MIB1: variants seen among roughly 807,000 people sequenced by gnomAD.
MIB1 encodes the protein MIB E3 ubiquitin protein ligase 1.
MIB1 carries 278 observed loss-of-function variants against 124.5 expected under a neutral mutation model. That is an observed-to-expected ratio of 2.23 (90% CI 2.02 to 2.47). MIB1 has a LOEUF of 2.47. MIB1 is among the 30% of genes most tolerant of loss of function. The pLI is 0.00. For missense variants in MIB1, 957 were observed against 1,254.4 expected (o/e 0.76, Z 3.58); for synonymous variants, 446 against 429.4 (o/e 1.04, Z -0.48).
At chr18:21,838,688 T>C (rs2042056073) in intron 13 of MIB1, among the ~76,000 whole-genome samples, 191 bp downstream of exon 13, 1 of 152,182 alleles carries the variant, frequency 6.6e-6, no homozygotes, top group South Asian at 2.1e-4. Context: ...AGGATGGTGA[T>C]GTGTGTTTGA....
At chr18:21,807,790 A>G (rs2041725766) in intron 10 of MIB1, among the ~76,000 whole-genome samples, 1 of 152,248 alleles carries the variant, frequency 6.6e-6, no homozygotes, top group Non-Finnish European at 1.5e-5. Context: ...TTTGTCATTC[A>G]TAATTTGCCA....
chr18:21,750,249 G>A (rs2040959374), intron 1 of MIB1, among the ~76,000 whole-genome samples: 1 of 151,980 alleles, frequency 6.6e-6, no homozygotes, highest in African/African-American at 2.4e-5. Flanking sequence ...CCTACTGGGT[G>A]CAAGCGATTC....
chr18:21,827,224 G>A (rs1316121617), intron 12 of MIB1: 1 of 152,062 alleles, frequency 6.6e-6, no homozygotes, highest in African/African-American at 2.4e-5. Flanking sequence ...AGTTAAAAAT[G>A]AACAGCTGAT....
At chr18:21,713,155 G>A (rs1313394584) in intron 1 of MIB1, among the ~76,000 whole-genome samples, 3 of 151,868 alleles carry the variant, frequency 2.0e-5, no homozygotes, top group Admixed American at 6.6e-5. Context: ...TTTTCATAGA[G>A]ACAGGGTCTC....
At chr18:21,751,060 T>C (rs755110118) in intron 1 of MIB1, among the ~76,000 whole-genome samples, 32 of 151,568 alleles carry the variant, frequency 2.1e-4, no homozygotes, top group Non-Finnish European at 3.7e-4. Context: ...TAGCCCACCA[T>C]GGTGGTGTGT....
intron 10 of MIB1, among the ~76,000 whole-genome samples, chr18:21,808,291 G>C (rs1162690917): frequency 6.6e-5 from 10 of 152,150 alleles, no homozygotes; most frequent in Non-Finnish European, 1.3e-4. Flanking sequence ...GCAAACTACA[G>C]CTCGCAGGCC....
chr18:21,804,922 A>G (rs1394024454), intron 10 of MIB1, among the ~76,000 whole-genome samples: 1 of 152,152 alleles, frequency 6.6e-6, no homozygotes, highest in Non-Finnish European at 1.5e-5. Flanking sequence ...ATTGTTGGAC[A>G]GCTACTAAAG....
intron 4 of MIB1, among the ~76,000 whole-genome samples, chr18:21,777,544 C>T (rs1040142921): frequency 1.3e-5 from 2 of 151,806 alleles, no homozygotes; most frequent in African/African-American, 2.4e-5. Flanking sequence ...AAGATTCAGA[C>T]ATTTTATTTT....
rs143937436 is a variant in MIB1 at position 21,791,458 on chromosome 18, G to A, written c.993G>A (p.Ser331=). The change falls in exon 7 of 21, where the codon TCG becomes TCA. Residue 331 remains serine, a synonymous_variant. Coordinates refer to ENST00000261537, the MANE Select transcript of MIB1 (RefSeq NM_020774.4). ...CTCAGGGTGCAGAAGGAGGCACCTCGCAGTTTCAAGTGGGTGATCTTGTAC... is the reference window on the plus strand; with the variant it reads ...CTCAGGGTGCAGAAGGAGGCACCTCACAGTTTCAAGTGGGTGATCTTGTAC... ...DAAQGAEGGT[S]QFQVGDLVQV... is the part of the protein sequence containing the mutation. The A allele has an allele frequency of 5.8e-5, 93 of 1,613,928 alleles. No homozygotes were observed. In the South Asian group the frequency reaches 8.5e-4, roughly 15 times the overall value.
chr18:21,738,520 T>A (rs752879124), upstream of MIB1, among the ~76,000 whole-genome samples: 13 of 151,708 alleles, frequency 8.6e-5, no homozygotes, highest in Non-Finnish European at 1.5e-4. Context: ...TTAAAATAAC[T>A]AGAGAGGCTG....
chr18:21,741,597 G>A lies in MIB1; in HGVS notation c.14G>A (p.Arg5Gln), dbSNP rs868729096. 4 of 1,562,280 alleles carry A rather than the reference G, an allele frequency of 2.6e-6. No homozygotes were observed. The highest frequency in any genetic ancestry group is 1.4e-5 in the African/African-American group (1 of 71,794). Reference sequence around the variant, plus strand: ...GCCCGGGCCCCGATGAGTAACTCCCGGAATAACCGGGTGATGGTGGAAGGG... The same window carrying A: ...GCCCGGGCCCCGATGAGTAACTCCCAGAATAACCGGGTGATGGTGGAAGGG... MSNS[R>Q]NNRVMVEGVG... The change falls in exon 1 of 21, where the codon CGG (arginine) becomes CAG (glutamine). Residue 5 changes from arginine to glutamine, a missense_variant. Physicochemically the swap from Arg to Gln is conservative, Grantham distance 43. Transcript: ENST00000261537. This position sits in a 1 kb window ranked among gnomAD's most constrained non-coding sequence, Gnocchi z 5.4.
At chr18:21,779,771 C>G (rs1248832587) in intron 6 of MIB1, 86 bp downstream of exon 6, 1 of 1,037,548 alleles carries the variant, frequency 9.6e-7, no homozygotes, top group East Asian at 2.4e-5. Context: ...AGTGATACAA[C>G]CAAATACTCA....
chr18:21,784,081 G>A (rs2041404599), intron 6 of MIB1, among the ~76,000 whole-genome samples: 1 of 130,908 alleles, frequency 7.6e-6, no homozygotes, highest in Non-Finnish European at 1.6e-5. Context: ...ACGGAGTCTC[G>A]CTATGTCACC....
Position 21,867,959 on chromosome 18 carries a change from A to G in MIB1, c.*3293A>G, listed in dbSNP as rs2042331694. ...GAAAGTCAGCATTTGAGTGTAGAGA[A>G]AAAAAGAGGATCATACAGATGTCAT... On this transcript the variant is annotated 3_prime_UTR_variant, in exon 21 of 21. Coordinates refer to ENST00000261537, the MANE Select transcript of MIB1 (RefSeq NM_020774.4). 1 of 152,042 alleles carries G rather than the reference A, an allele frequency of 6.6e-6. No homozygotes were observed. Among genetic ancestry groups the G allele is most frequent in the Non-Finnish European group, 1.5e-5 (1 of 67,946 alleles). 9.4% of individuals were successfully genotyped at this position (152,042 alleles called of 1,614,324 possible).
intron 1 of MIB1, among the ~76,000 whole-genome samples, chr18:21,762,251 C>T (rs774732049): frequency 6.6e-6 from 1 of 152,094 alleles, no homozygotes; most frequent in African/African-American, 2.4e-5. Context: ...AAAACTTTGA[C>T]CCTGCCTTCA....
chr18:21,762,089 A>C (rs1177061521), intron 1 of MIB1, among the ~76,000 whole-genome samples: 1 of 152,118 alleles, frequency 6.6e-6, no homozygotes. Context: ...GGAAATACCA[A>C]TTTTTTCCTC....
chr18:21,756,329 T>C (rs2041030498), intron 1 of MIB1, among the ~76,000 whole-genome samples: 1 of 152,202 alleles, frequency 6.6e-6, no homozygotes, highest in African/African-American at 2.4e-5. Flanking sequence ...GTCATTTTTT[T>C]CCCTCCATTT....
In MIB1 at chr18:21,865,969, C is replaced by G. The variant is rs935253148; in HGVS notation, c.*1303C>G. 4.6e-5 allele frequency: 7 copies of G among 151,836 alleles called. No homozygotes were observed. The highest frequency in any genetic ancestry group is 1.7e-4 in the African/African-American group (7 of 41,334). 9.4% of individuals were successfully genotyped at this position (151,836 alleles called of 1,614,324 possible). A position where few individuals can be genotyped will look rare whatever the true frequency, so the allele number is the denominator to read the frequency against. On this transcript the variant is annotated 3_prime_UTR_variant, in exon 21 of 21. Transcript: ENST00000261537. ...TTTCTCCTTTTATCTCCTTTGTAAT[C>G]TTATTGTCTCCTGAGTAAATATACA... is the stretch of plus-strand genomic sequence containing the variant.
intron 1 of MIB1, among the ~76,000 whole-genome samples, chr18:21,761,112 A>G (rs145583511): frequency 9.8e-5 from 15 of 152,332 alleles, no homozygotes; most frequent in East Asian, 5.8e-4. Flanking sequence ...TCAATTCCAT[A>G]TAATGTCCAT....
Sources: gnomAD v4.1 joint callset for allele counts (sites outside exome capture counted in the v4.1 genomes callset) on GRCh38, gnomAD v4.1.1 for gene constraint, Gnocchi (gnomAD v3.1) non-coding constraint, MANE v1.5 for transcripts, NCBI Gene and HGNC (gene_info 2026-07-23, HGNC 2026-07-21) for gene names.